Variants in TSPOAP1 observed in about 807,000 individuals in gnomAD.
TSPOAP1 encodes peripheral-type benzodiazepine receptor-associated protein 1.
Under a neutral mutation model 197.0 loss-of-function variants are expected in TSPOAP1, and 87 were observed. The observed-to-expected ratio is 0.44, with a 90% CI of 0.37 to 0.53. The LOEUF (loss-of-function observed/expected upper bound fraction) is 0.53, where lower values mean the gene tolerates loss of function less well. TSPOAP1 is among the 20% of genes least tolerant of loss of function. The pLI, the probability that TSPOAP1 is intolerant of heterozygous loss-of-function variation, is 0.00. For synonymous variants in TSPOAP1, 913 were observed against 998.9 expected (o/e 0.91, Z 1.62); for missense variants, 2,174 against 2,411.3 (o/e 0.90, Z 2.06).
chr17:58,314,289 G>T (rs1463342241), intron 16 of TSPOAP1, among the ~76,000 whole-genome samples: 2 of 152,212 alleles, frequency 1.3e-5, no homozygotes, highest in Admixed American at 1.3e-4. Flanking sequence ...AGGGTTGAAT[G>T]GTGGCCGCCC....
At position 58,311,068 on chromosome 17, in the gene TSPOAP1, G is replaced by C; in HGVS notation, c.3227C>G (p.Pro1076Arg). ...SADSIPAPIT[P>R]ALAPASLPAR... ...TGGCAGGCTGGCCGGAGCCAGGGCG[G>C]GAGTGATAGGAGCCGGGATGGAGTC... Residue 1076 changes from proline (P) to arginine (R), a missense_variant, in exon 19 of 32, where the codon CCC becomes CGC. By Grantham distance (103) the Pro-to-Arg change is moderately radical. Coordinates refer to ENST00000343736, the MANE Select transcript of TSPOAP1 (RefSeq NM_004758.4). The C allele has an allele frequency of 1.3e-6, 2 of 1,578,950 alleles. No individual in the cohort carries two copies. The highest frequency in any genetic ancestry group is 1.7e-6 in the Non-Finnish European group (2 of 1,162,790).
Position 58,324,749 on chromosome 17 carries a change from G to T in TSPOAP1, c.942+62C>A, listed in dbSNP as rs1016643819. ...CTGAGCACGGTGCAGGGGAGATCCCGGTGGTCGTTCCCCCCACCCATCTGC... is the reference window on the plus strand; with the variant it reads ...CTGAGCACGGTGCAGGGGAGATCCCTGTGGTCGTTCCCCCCACCCATCTGC... On this transcript the variant is annotated intron_variant, in intron 5 of 31. Coordinates refer to ENST00000343736, the MANE Select transcript of TSPOAP1 (RefSeq NM_004758.4). The surrounding 1 kb of genome is among the most constrained non-coding windows in gnomAD (Gnocchi z 5.8). 2 of 1,338,962 alleles carry T rather than the reference G, an allele frequency of 1.5e-6. No individual in the cohort carries two copies. Among genetic ancestry groups the T allele is most frequent in the Non-Finnish European group, 2.0e-6 (2 of 1,016,568 alleles). 82.9% of individuals were successfully genotyped at this position (1,338,962 alleles called of 1,614,324 possible).
intron 4 of TSPOAP1, 188 bp downstream of exon 4, chr17:58,325,346 G>A (rs1029632128): frequency 5.5e-6 from 4 of 732,442 alleles, no homozygotes; most frequent in African/African-American, 5.3e-5. Context: ...GAAATGCCCA[G>A]GTCTGGGACT....
chr17:58,305,034 A>G, intron 30 of TSPOAP1, 27 bp downstream of exon 30: 1 of 1,571,388 alleles, frequency 6.4e-7, no homozygotes, highest in Non-Finnish European at 8.8e-7. Context: ...CTGCCCTGCC[A>G]AGCTGGGAGC....
rs1405530807 is a variant in TSPOAP1, at chr17:58,307,369, G to A, written c.4983+242C>T. The A allele has an allele frequency of 6.9e-6, 4 of 576,178 alleles. No individual in the cohort carries two copies. The Admixed American group carries it at 1.2e-4, about 17-fold the overall frequency. The allele number at this position is 576,178 out of a possible 1,614,324, so 35.7% of individuals were successfully genotyped here. On this transcript the variant is annotated intron_variant, in intron 24 of 31. Transcript: ENST00000343736. ...GATCATTTAATCCACAAAACACCCT[G>A]TGAGGTAGACACTAATATTATCCCC... is the stretch of plus-strand genomic sequence containing the variant.
At chr17:58,311,421 T>C in intron 18 of TSPOAP1, 150 bp downstream of exon 18, 1 of 1,285,942 alleles carries the variant, frequency 7.8e-7, no homozygotes, top group Non-Finnish European at 1.1e-6. Flanking sequence ...TGTCATGTGC[T>C]GCCAAAGCCC....
Position 58,322,465 on chromosome 17 carries a change from A to T in TSPOAP1, c.1318-53T>A. The T allele has an allele frequency of 6.3e-7, 1 of 1,583,762 alleles. No individual in the cohort carries two copies. Among genetic ancestry groups the T allele is most frequent in the Non-Finnish European group, 8.6e-7 (1 of 1,167,842 alleles). Reference sequence around the variant, plus strand: ...AGAGCCCCTACTTGGCCATTTCTAGAGAAGATCTAAGATGAGGAAGCCTCA... The same window carrying T: ...AGAGCCCCTACTTGGCCATTTCTAGTGAAGATCTAAGATGAGGAAGCCTCA... On this transcript the variant is annotated intron_variant, in intron 9 of 31. Transcript: ENST00000343736. This position sits in a 1 kb window ranked among gnomAD's most constrained non-coding sequence, Gnocchi z 5.0.
Position 58,320,589 on chromosome 17 carries a change from T to TG in TSPOAP1, c.1423-9dup, listed in dbSNP as rs1418753601. On this transcript the variant is annotated splice_polypyrimidine_tract_variant and intron_variant, in intron 10 of 31. Coordinates refer to ENST00000343736, the MANE Select transcript of TSPOAP1 (RefSeq NM_004758.4). ...CTGGGCTTCAGCCTGGGCCTACAGGTGGGGGGAACCAAAATACTGGAGGGA... is the reference window on the plus strand; with the variant it reads ...CTGGGCTTCAGCCTGGGCCTACAGGTGGGGGGGAACCAAAATACTGGAGGGA... 7.0e-7 allele frequency: 1 copy of TG among 1,434,460 alleles called. No homozygotes were observed. The allele number at this position is 1,434,460 out of a possible 1,614,324, so 88.9% of individuals were successfully genotyped here. A position where few individuals can be genotyped will look rare whatever the true frequency, so the allele number is the denominator to read the frequency against.
intron 3 of TSPOAP1, 143 bp from the exon 4 acceptor site, chr17:58,325,856 C>T (rs1971580130): frequency 4.8e-6 from 4 of 829,848 alleles, no homozygotes; most frequent in Non-Finnish European, 7.3e-6. Flanking sequence ...TCTCAGAAAA[C>T]CAGCAGCCTC....
Position 58,312,405 on chromosome 17 carries a change from T to C in TSPOAP1, c.2416A>G (p.Ser806Gly), listed in dbSNP as rs373383689. The C allele has an allele frequency of 5.6e-6, 9 of 1,612,744 alleles. No individual in the cohort carries two copies. Among genetic ancestry groups the C allele is most frequent in the African/African-American group, 1.3e-5 (1 of 74,926 alleles). The change falls in exon 17 of 32, where the codon AGC (serine) becomes GGC (glycine). Residue 806 changes from serine to glycine, a missense_variant. Around this residue, in one of 5 missense-constraint regions of TSPOAP1, gnomAD observed 1,933 missense variants for 2,139.0 expected, o/e 0.90. Transcript: ENST00000343736. ...GGCGGCTCCCAGGCCAGCACCACGC[T>C]GTGGGCCAGCTGCTTGAGGACCACC... ...RLVVLKQLAH[S>G]VVLAWEPPPE...
At position 58,326,936 on chromosome 17, in the gene TSPOAP1, G is replaced by A; in HGVS notation, c.334-146C>T. ...CTATGTCCCAGGCCTTCAGAGAGGA[G>A]CAGAGGAGGCCTAGGAGAAGGAACT... On this transcript the variant is annotated intron_variant, in intron 1 of 31. Transcript: ENST00000343736. The surrounding 1 kb of genome is among the most constrained non-coding windows in gnomAD (Gnocchi z 4.7). The A allele has an allele frequency of 1.4e-6, 1 of 691,956 alleles. No individual in the cohort carries two copies. The highest frequency in any genetic ancestry group is 2.5e-6 in the Non-Finnish European group (1 of 394,404). 42.9% of individuals were successfully genotyped at this position (691,956 alleles called of 1,614,324 possible).
chr17:58,306,895 T>G lies in TSPOAP1; in HGVS notation c.5057A>C (p.Asn1686Thr). The G allele has an allele frequency of 1.2e-6, 2 of 1,613,598 alleles. No homozygotes were observed. The highest frequency in any genetic ancestry group is 1.7e-6 in the Non-Finnish European group (2 of 1,180,014). Reference sequence around the variant, plus strand: ...GTCCACAGCCACCTCAGCCACCATGTTGCAGGGAATGTAGCCTGTCCGGCC... The same window carrying G: ...GTCCACAGCCACCTCAGCCACCATGGTGCAGGGAATGTAGCCTGTCCGGCC... ...GGGRTGYIPCNMVAEVAVDSP... is the reference protein window; with the variant it reads ...GGGRTGYIPCTMVAEVAVDSP... Residue 1686 changes from asparagine (N) to threonine (T), a missense_variant, in exon 25 of 32, where the codon AAC becomes ACC. Asn to Thr is a moderately conservative substitution (Grantham distance 65, BLOSUM62 0). Transcript: ENST00000343736.
intron 12 of TSPOAP1, 114 bp from the exon 13 acceptor site, chr17:58,319,408 C>T: frequency 8.2e-7 from 1 of 1,215,482 alleles, no homozygotes; most frequent in Non-Finnish European, 1.1e-6. Context: ...CCACCCAGCC[C>T]CAGGCCTGGG....
intron 5 of TSPOAP1, among the ~76,000 whole-genome samples, chr17:58,323,749 C>T (rs1369057037): frequency 6.6e-6 from 1 of 152,250 alleles, no homozygotes; most frequent in Non-Finnish European, 1.5e-5. Context: ...GGCTGCACCC[C>T]TGTGTCCTGG....
In TSPOAP1 at chr17:58,304,701, A is replaced by T. The variant is rs1970822951; in HGVS notation, c.5545-302T>A. The T allele has an allele frequency of 1.8e-6, 1 of 567,314 alleles. No homozygotes were observed. Among genetic ancestry groups the T allele is most frequent in the Non-Finnish European group, 3.2e-6 (1 of 315,170 alleles). The allele number at this position is 567,314 out of a possible 1,614,324, so 35.1% of individuals were successfully genotyped here. A position where few individuals can be genotyped will look rare whatever the true frequency, so the allele number is the denominator to read the frequency against. The stretch of plus-strand genomic sequence containing the variant: ...CCAAAGGCACCTGGGAGGTATGGAG[A>T]CCACCCCCAGGGTGGGAGTGTCCTG... On this transcript the variant is annotated intron_variant, in intron 30 of 31. Transcript: ENST00000343736. The surrounding 1 kb of genome is among the most constrained non-coding windows in gnomAD (Gnocchi z 4.2).
At chr17:58,321,636 C>T (rs926908102) in intron 10 of TSPOAP1, among the ~76,000 whole-genome samples, 3 of 152,108 alleles carry the variant, frequency 2.0e-5, no homozygotes, top group Admixed American at 6.5e-5. Context: ...ATAACTCAAA[C>T]CCAGGCACTT....
At chr17:58,314,598 A>C (rs1052078212) in intron 16 of TSPOAP1, among the ~76,000 whole-genome samples, 1 of 152,254 alleles carries the variant, frequency 6.6e-6, no homozygotes, top group African/African-American at 2.4e-5. Flanking sequence ...TAGAGCCCCC[A>C]AGGGGATGCA....
In TSPOAP1 at chr17:58,319,229, C is replaced by A; in HGVS notation, c.1560G>T (p.Gln520His). The A allele has an allele frequency of 6.3e-7, 1 of 1,599,104 alleles. No individual in the cohort carries two copies. Among genetic ancestry groups the A allele is most frequent in the East Asian group, 2.3e-5 (1 of 43,866 alleles). Reference protein sequence around the residue: ...SQTEQFSLLAQELQAFRLHPG... With the variant: ...SQTEQFSLLAHELQAFRLHPG... ...GGTGCAGGCGGAAAGCCTGGAGTTC[C>A]TGTGCCAGGAGGCTGAACTGCTCGG... Residue 520 changes from glutamine to histidine, a missense_variant, in exon 13 of 32, where the codon CAG becomes CAT. Physicochemically the swap from Gln to His is conservative, Grantham distance 24. This residue lies in a region of TSPOAP1 where 1,933 missense variants were observed against 2,139.0 expected (regional missense o/e 0.90). Transcript: ENST00000343736.
chr17:58,321,829 A>G (rs1219152721), intron 10 of TSPOAP1, among the ~76,000 whole-genome samples: 3 of 152,196 alleles, frequency 2.0e-5, no homozygotes, highest in Admixed American at 6.5e-5. Flanking sequence ...AGGAGCTTCT[A>G]TCTACTCACA....
Sources: allele counts gnomAD v4.1 joint callset (sites outside exome capture counted in the v4.1 genomes callset), GRCh38; gene constraint gnomAD v4.1.1; regional missense constraint gnomAD v4.1.1; non-coding constraint Gnocchi (gnomAD v3.1); transcripts MANE v1.5; gene names NCBI Gene and HGNC (gene_info 2026-07-23, HGNC 2026-07-21).